The following SLC16A12 variants were observed in gnomAD, a reference collection of about 807,000 sequenced individuals.
The protein encoded by SLC16A12 is solute carrier family 16 member 12.
In SLC16A12, 17 loss-of-function variants were observed where a neutral mutation model predicts 42.4. The observed-to-expected ratio is 0.40, with a 90% CI of 0.27 to 0.60. The LOEUF is 0.60. Ranked by LOEUF, SLC16A12 falls within the 20% of genes least tolerant of loss-of-function variation. SLC16A12 has a pLI of 0.42. For missense variants in SLC16A12, 544 were observed against 623.0 expected (o/e 0.87, Z 1.35); for synonymous variants, 224 against 229.4 (o/e 0.98, Z 0.21).
chr10:89,456,842 G>T (rs925757117), intron 3 of SLC16A12, among the ~76,000 whole-genome samples: 8 of 152,040 alleles, frequency 5.3e-5, no homozygotes, highest in Admixed American at 2.0e-4. Flanking sequence ...GAGGTTAATG[G>T]CTTCCAGCTC....
chr10:89,517,279 C>T (rs898003145), intron 2 of SLC16A12, among the ~76,000 whole-genome samples: 5 of 151,606 alleles, frequency 3.3e-5, no homozygotes, highest in African/African-American at 7.3e-5. Flanking sequence ...GGGGGCAGGG[C>T]GACGGGACAG....
At chr10:89,487,240 G>A (rs867269740) in intron 2 of SLC16A12, among the ~76,000 whole-genome samples, 4 of 152,110 alleles carry the variant, frequency 2.6e-5, no homozygotes, top group South Asian at 2.1e-4. Flanking sequence ...AGAATGGTGT[G>A]GCAAAAAGAG....
At chr10:89,486,603 A>AAAGAAAGAAAGAAAGAAAGAAAG (rs762588312) in intron 2 of SLC16A12, among the ~76,000 whole-genome samples, 2 of 70,386 alleles carry the variant, frequency 2.8e-5, no homozygotes, top group East Asian at 3.8e-4. Context: ...AAAAAAAAAA[A>AAAGAAAGAAAGAAAGAAAGAAAG]AAAGAAAGAA....
intron 3 of SLC16A12, among the ~76,000 whole-genome samples, chr10:89,459,309 G>GT (rs201227644): frequency 1.3e-4 from 19 of 143,734 alleles, no homozygotes; most frequent in East Asian, 6.2e-4. Flanking sequence ...AACCAAGGCA[G>GT]TTTTTTTAAA....
At chr10:89,436,872 GAAAGAAA>G (rs1841801533) in intron 6 of SLC16A12, among the ~76,000 whole-genome samples, 1 of 80,860 alleles carries the variant, frequency 1.2e-5, no homozygotes, top group South Asian at 3.2e-4. Flanking sequence ...TAAAGAAAAA[GAAAGAAA>G]GAAAGAAAGA....
chr10:89,503,623 G>T (rs1387148877), intron 2 of SLC16A12, among the ~76,000 whole-genome samples: 1 of 152,224 alleles, frequency 6.6e-6, no homozygotes, highest in African/African-American at 2.4e-5. Context: ...TAAGTCAGAA[G>T]TAGTAGCCTG....
chr10:89,445,288 C>T (rs187625389), intron 3 of SLC16A12, among the ~76,000 whole-genome samples: 1 of 152,350 alleles, frequency 6.6e-6, no homozygotes, highest in Admixed American at 6.5e-5. Context: ...CAAGTGGGTC[C>T]CTGACCCCCG....
intron 2 of SLC16A12, among the ~76,000 whole-genome samples, chr10:89,500,811 GAAAT>G (rs1263582989): frequency 2.6e-5 from 4 of 152,264 alleles, no homozygotes; most frequent in African/African-American, 9.6e-5. Flanking sequence ...ACAAGAAAAA[GAAAT>G]AAAGCACATC....
intron 2 of SLC16A12, among the ~76,000 whole-genome samples, chr10:89,512,849 G>C (rs1372830693): frequency 6.6e-6 from 1 of 152,208 alleles, no homozygotes; most frequent in African/African-American, 2.4e-5. Flanking sequence ...CAAAGTATGG[G>C]TGCCAACCAG....
At chr10:89,471,714 G>T (rs1842497663) in intron 2 of SLC16A12, among the ~76,000 whole-genome samples, 1 of 152,148 alleles carries the variant, frequency 6.6e-6, no homozygotes, top group Non-Finnish European at 1.5e-5. Flanking sequence ...TGCCAAACTT[G>T]TTTTTAAAGG....
At chr10:89,518,609 C>T (rs1470962337) in intron 2 of SLC16A12, among the ~76,000 whole-genome samples, 10 of 152,164 alleles carry the variant, frequency 6.6e-5, no homozygotes, top group South Asian at 2.1e-4. Context: ...GAAAAAGAAA[C>T]GAAGAAAAGC....
At chr10:89,472,118 A>T (rs1250788360) in intron 2 of SLC16A12, among the ~76,000 whole-genome samples, 2 of 152,194 alleles carry the variant, frequency 1.3e-5, no homozygotes, top group Admixed American at 1.3e-4. Flanking sequence ...AGAAGCCATT[A>T]ATTTTGATGA....
intron 5 of SLC16A12, among the ~76,000 whole-genome samples, chr10:89,440,448 C>T (rs554992776): frequency 7.2e-5 from 11 of 152,326 alleles, no homozygotes; most frequent in East Asian, 3.9e-4. Flanking sequence ...ACCTTATTCA[C>T]GCCACACCAA....
intron 3 of SLC16A12, among the ~76,000 whole-genome samples, chr10:89,461,139 G>A (rs771763958): frequency 2.0e-5 from 3 of 152,108 alleles, no homozygotes; most frequent in African/African-American, 4.8e-5. Flanking sequence ...TGTAGATTTC[G>A]AATGCATATT....
At chr10:89,530,693 A>G (rs1589730717) in intron 2 of SLC16A12, among the ~76,000 whole-genome samples, 2 of 152,236 alleles carry the variant, frequency 1.3e-5, no homozygotes, top group East Asian at 3.9e-4. Context: ...TGCTGGGATT[A>G]CAGGTGTGAG....
chr10:89,522,840 A>C (rs1425811283), intron 2 of SLC16A12, among the ~76,000 whole-genome samples: 1 of 152,208 alleles, frequency 6.6e-6, no homozygotes, highest in Middle Eastern at 3.2e-3. Context: ...TTATCTATGT[A>C]AGGTATTTTA....
rs532547823 is a variant in SLC16A12 at position 89,507,197 on chromosome 10, A to G, written c.-47+27304T>C. On this transcript the variant is annotated intron_variant, in intron 2 of 7. Coordinates refer to ENST00000371790, the MANE Select transcript of SLC16A12 (RefSeq NM_213606.4). The stretch of plus-strand genomic sequence containing the variant: ...TTCCCCAACATAGCAAGGCAGGCCA[A>G]CATTCAAATTCAGGAAATACAGAGA... Among the ~76,000 whole-genome samples, 564 of 152,320 alleles carry G rather than the reference A, an allele frequency of 3.7e-3. 2 individuals are homozygous for G. The highest frequency in any genetic ancestry group is 0.012 in the African/African-American group (516 of 41,576).
intron 2 of SLC16A12, among the ~76,000 whole-genome samples, chr10:89,485,185 T>G (rs1842726775): frequency 6.6e-6 from 1 of 152,180 alleles, no homozygotes; most frequent in Non-Finnish European, 1.5e-5. Flanking sequence ...AGAGGCATAT[T>G]TGGTTGTCAC....
At chr10:89,459,965 A>C (rs1842269007) in intron 3 of SLC16A12, among the ~76,000 whole-genome samples, 1 of 152,182 alleles carries the variant, frequency 6.6e-6, no homozygotes, top group Non-Finnish European at 1.5e-5. Context: ...ATAAATGTAG[A>C]CAAGTCAATC....
Sources: gnomAD v4.1 joint callset for allele counts (sites outside exome capture counted in the v4.1 genomes callset) on GRCh38, gnomAD v4.1.1 for gene constraint, MANE v1.5 for transcripts, NCBI Gene and HGNC (gene_info 2026-07-23, HGNC 2026-07-21) for gene names.